The following GRIK2 variants were observed in gnomAD, a reference collection of about 807,000 sequenced individuals.
GRIK2 encodes glutamate ionotropic receptor kainate type subunit 2.
GRIK2 carries 32 observed loss-of-function variants against 100.3 expected under a neutral mutation model. The observed-to-expected ratio is 0.32, with a 90% CI of 0.24 to 0.43. GRIK2 has a LOEUF of 0.43. Ranked by LOEUF, GRIK2 falls within the 20% of genes least tolerant of loss-of-function variation. The probability of loss-of-function intolerance (pLI) is 1.00; values close to 1 mark genes in which losing one functional copy is unlikely to be tolerated. For synonymous variants in GRIK2, 417 were observed against 389.4 expected, an observed-to-expected ratio of 1.07 and a Z score of -0.83; for missense variants, 843 against 1,114.9, an observed-to-expected ratio of 0.76 and a Z score of 3.47.
chr6:102,046,342 C>T (rs1770886108), intron 15 of GRIK2, among the ~76,000 whole-genome samples: 2 of 151,974 alleles, frequency 1.3e-5, no homozygotes, highest in African/African-American at 4.8e-5. Context: ...CTGTCCCCAC[C>T]CAAATCTCAT....
chr6:101,586,069 G>C (rs1399489436), intron 2 of GRIK2, among the ~76,000 whole-genome samples: 1 of 152,028 alleles, frequency 6.6e-6, no homozygotes, highest in East Asian at 1.9e-4. Flanking sequence ...GGGTTTTAGG[G>C]TTGAGGTTTG....
At chr6:101,425,089 A>ATGTTGGTTCC (rs1776632580) in intron 2 of GRIK2, among the ~76,000 whole-genome samples, 1 of 152,104 alleles carries the variant, frequency 6.6e-6, no homozygotes, top group Non-Finnish European at 1.5e-5. Context: ...GGTTGGTTCC[A>ATGTTGGTTCC]AGTCTTTGCT....
chr6:101,836,643 GTATA>G (rs201661389), intron 10 of GRIK2, among the ~76,000 whole-genome samples: 18 of 86,388 alleles, frequency 2.1e-4, no homozygotes, highest in African/African-American at 4.1e-4. Flanking sequence ...ATATGTATGT[GTATA>G]TATATATATA....
At chr6:101,881,696 T>C (rs1163986939) in intron 11 of GRIK2, among the ~76,000 whole-genome samples, 2 of 144,908 alleles carry the variant, frequency 1.4e-5, no homozygotes, top group Non-Finnish European at 3.0e-5. Flanking sequence ...AAAAAAAAAA[T>C]AGAAAAATTG....
At chr6:101,760,071 T>A (rs900127898) in intron 7 of GRIK2, among the ~76,000 whole-genome samples, 43 of 143,614 alleles carry the variant, frequency 3.0e-4, no homozygotes, top group African/African-American at 1.1e-3. Flanking sequence ...GGGTTTCACC[T>A]TGTTAGCCAG....
At position 101,874,855 on chromosome 6, in the gene GRIK2, A is replaced by T. The variant is rs1785706522; in HGVS notation, c.1525-14785A>T. Among the ~76,000 whole-genome samples the T allele has an allele frequency of 5.3e-5, 8 of 152,196 alleles. No homozygotes were observed. In the South Asian group the frequency reaches 1.7e-3, roughly 32 times the overall value. ...TTCCTCAGTATTTTATTCTCTTAGA[A>T]GCAATTGTGAATGGGAGTTCACTCA... is the stretch of plus-strand genomic sequence containing the variant. On this transcript the variant is annotated intron_variant, in intron 11 of 16. Transcript: ENST00000369134.
intron 11 of GRIK2, among the ~76,000 whole-genome samples, chr6:101,880,362 A>T (rs1451040813): frequency 2.0e-5 from 3 of 152,056 alleles, no homozygotes; most frequent in African/African-American, 7.2e-5. Context: ...TATTCCATAA[A>T]TCTTCTCCTA....
intron 2 of GRIK2, among the ~76,000 whole-genome samples, chr6:101,431,981 G>A (rs1407920533): frequency 6.6e-6 from 1 of 152,078 alleles, no homozygotes; most frequent in Non-Finnish European, 1.5e-5. Context: ...ACTCTGTATT[G>A]TTTTTTACTG....
intron 7 of GRIK2, among the ~76,000 whole-genome samples, chr6:101,751,314 A>G: frequency 6.6e-6 from 1 of 152,066 alleles, no homozygotes; most frequent in East Asian, 1.9e-4. Context: ...AGTAGACACA[A>G]TAGTAATAAC....
chr6:101,511,095 A>C (rs1403144883), intron 2 of GRIK2, among the ~76,000 whole-genome samples: 1 of 152,184 alleles, frequency 6.6e-6, no homozygotes, highest in Admixed American at 6.6e-5. Context: ...TTGCTCTAGC[A>C]CCAGGTAAAT....
intron 4 of GRIK2, 34 bp downstream of exon 4, chr6:101,626,671 TTAAATA>T (rs772711146): frequency 1.3e-6 from 2 of 1,565,750 alleles, no homozygotes; most frequent in Non-Finnish European, 1.7e-6. Context: ...GAGCTATGCT[TTAAATA>T]TAGATAATTT....
intron 2 of GRIK2, among the ~76,000 whole-genome samples, chr6:101,515,517 G>C (rs893652785): frequency 1.3e-5 from 2 of 152,090 alleles, no homozygotes; most frequent in Non-Finnish European, 2.9e-5. Context: ...GGCTGTACTA[G>C]TTTACATTCC....
intron 15 of GRIK2, among the ~76,000 whole-genome samples, chr6:102,043,154 A>C (rs1562133828): frequency 1.3e-5 from 2 of 151,792 alleles, no homozygotes; most frequent in African/African-American, 4.8e-5. Context: ...ATATTATTTA[A>C]AAAAATTTTT....
At chr6:101,486,105 G>T (rs1232531275) in intron 2 of GRIK2, among the ~76,000 whole-genome samples, 2 of 151,970 alleles carry the variant, frequency 1.3e-5, no homozygotes, top group East Asian at 1.9e-4. Flanking sequence ...CAAGATTTTC[G>T]CTGGGAGAAG....
chr6:101,643,043 G>A (rs1420293454), intron 4 of GRIK2, among the ~76,000 whole-genome samples: 1 of 151,588 alleles, frequency 6.6e-6, no homozygotes, highest in African/African-American at 2.4e-5. Flanking sequence ...AAATGTTTAA[G>A]TTGTATGCTG....
intron 7 of GRIK2, among the ~76,000 whole-genome samples, chr6:101,782,676 A>G (rs59784222): frequency 0.12 from 17,937 of 152,180 alleles, 1,143 homozygotes; most frequent in Admixed American, 0.17. Context: ...ATAGGAGTGC[A>G]TGTATCCCTT....
chr6:101,485,235 G>T (rs1166128124), intron 2 of GRIK2, among the ~76,000 whole-genome samples: 2 of 152,238 alleles, frequency 1.3e-5, no homozygotes, highest in African/African-American at 4.8e-5. Context: ...TCACTTTATA[G>T]ATGAGAATAT....
chr6:101,687,063 ATAT>A (rs1376048430), intron 7 of GRIK2, among the ~76,000 whole-genome samples: 1 of 152,084 alleles, frequency 6.6e-6, no homozygotes, highest in Admixed American at 6.6e-5. Flanking sequence ...CTATGTAAAA[ATAT>A]TATTTTTAAA....
At chr6:101,659,019 G>A (rs866118003) in intron 4 of GRIK2, among the ~76,000 whole-genome samples, 4 of 152,106 alleles carry the variant, frequency 2.6e-5, no homozygotes, top group Admixed American at 6.6e-5. Context: ...GGCAGAAGCT[G>A]TTTAGTTTAA....
Sources: allele counts gnomAD v4.1 joint callset (sites outside exome capture counted in the v4.1 genomes callset), GRCh38; gene constraint gnomAD v4.1.1; transcripts MANE v1.5; gene names NCBI Gene and HGNC (gene_info 2026-07-23, HGNC 2026-07-21).